The following PLGRKT variants were observed in gnomAD, a reference collection of about 807,000 sequenced individuals.
The protein encoded by PLGRKT is plasminogen receptor (KT).
PLGRKT carries 22 observed loss-of-function variants against 18.5 expected under a neutral mutation model. The ratio of observed to expected loss-of-function variants is 1.19; its 90% confidence interval spans 0.85 to 1.70. The LOEUF (loss-of-function observed/expected upper bound fraction) is 1.70. Ranked by LOEUF, PLGRKT falls within the 40% of genes most tolerant of loss-of-function variation. PLGRKT has a pLI of 0.00. For synonymous variants in PLGRKT, 72 were observed against 52.8 expected, an observed-to-expected ratio of 1.36 and a Z score of -1.58; for missense variants, 235 against 174.4, an observed-to-expected ratio of 1.35 and a Z score of -1.96.
chr9:5,379,257 T>G (rs1817690167), intron 3 of PLGRKT, among the ~76,000 whole-genome samples: 1 of 152,174 alleles, frequency 6.6e-6, no homozygotes, highest in African/African-American at 2.4e-5. Flanking sequence ...GATCAGAAAT[T>G]ACTTTAGTGA....
intron 3 of PLGRKT, among the ~76,000 whole-genome samples, chr9:5,390,422 G>C (rs1256848998): frequency 6.6e-6 from 1 of 151,704 alleles, no homozygotes; most frequent in Admixed American, 6.6e-5. Flanking sequence ...GTCTCAGGCA[G>C]AGAGAGTCAA....
Position 5,361,835 on chromosome 9 carries a change from C to T in PLGRKT, c.135G>A (p.Met45Ile), listed in dbSNP as rs773580200. The part of the protein sequence containing the change: ...QSEMRERQMA[M>I]QIAWSREFLK... ...GGAATTCCCGAGACCACGCAATCTGCATGGCCATTTGTCTTTCCCTCATTT... is the reference window on the plus strand; with the variant it reads ...GGAATTCCCGAGACCACGCAATCTGTATGGCCATTTGTCTTTCCCTCATTT... The change falls in exon 4 of 6, where the codon ATG (methionine) becomes ATA (isoleucine). Residue 45 changes from methionine to isoleucine, a missense_variant. By Grantham distance (10) the Met-to-Ile change is conservative. Transcript: ENST00000223864. The T allele has an allele frequency of 2.5e-6, 4 of 1,613,112 alleles. No individual in the cohort carries two copies. In the East Asian group the frequency reaches 8.9e-5, roughly 36 times the overall value.
At chr9:5,364,198 G>A (rs1817331066) in intron 3 of PLGRKT, among the ~76,000 whole-genome samples, 1 of 152,174 alleles carries the variant, frequency 6.6e-6, no homozygotes, top group African/African-American at 2.4e-5. Flanking sequence ...TCAGGATCTG[G>A]AGGTAAAATC....
intron 3 of PLGRKT, among the ~76,000 whole-genome samples, chr9:5,420,688 T>C (rs939063065): frequency 1.3e-5 from 2 of 152,190 alleles, no homozygotes; most frequent in African/African-American, 4.8e-5. Context: ...ACCTGGTCTT[T>C]CTCCCTACAA....
chr9:5,377,230 G>C (rs561442960), intron 3 of PLGRKT, among the ~76,000 whole-genome samples: 2 of 148,726 alleles, frequency 1.3e-5, no homozygotes, highest in Non-Finnish European at 3.0e-5. Flanking sequence ...AATTCTTTTA[G>C]AGAGGATAAC....
chr9:5,424,521 A>T (rs998358338), intron 3 of PLGRKT, among the ~76,000 whole-genome samples: 1,975 of 126,796 alleles, frequency 0.016, 66 homozygotes, highest in African/African-American at 0.06. Flanking sequence ...TAACATATAA[A>T]TATATATTAT....
intron 3 of PLGRKT, among the ~76,000 whole-genome samples, chr9:5,430,455 C>A (rs1818799961): frequency 6.6e-6 from 1 of 152,320 alleles, no homozygotes; most frequent in East Asian, 1.9e-4. Flanking sequence ...GATATTTATT[C>A]TGCATAAGAC....
At chr9:5,407,154 CAT>C (rs1818273014) in intron 3 of PLGRKT, among the ~76,000 whole-genome samples, 1 of 152,102 alleles carries the variant, frequency 6.6e-6, no homozygotes. Context: ...GCATCTAAAA[CAT>C]GTACAATGAT....
intron 3 of PLGRKT, among the ~76,000 whole-genome samples, chr9:5,387,328 C>T (rs1044616398): frequency 2.0e-5 from 3 of 151,624 alleles, no homozygotes; most frequent in Non-Finnish European, 4.4e-5. Flanking sequence ...ATATTGAGTA[C>T]CCAAGAGGAA....
chr9:5,426,483 G>A (rs1818704103), intron 3 of PLGRKT, among the ~76,000 whole-genome samples: 1 of 152,174 alleles, frequency 6.6e-6, no homozygotes, highest in Admixed American at 6.5e-5. Flanking sequence ...CTGCCCCAGG[G>A]AGGATCAGAA....
intron 3 of PLGRKT, among the ~76,000 whole-genome samples, chr9:5,414,675 G>A (rs1395786692): frequency 6.6e-6 from 1 of 152,216 alleles, no homozygotes; most frequent in Non-Finnish European, 1.5e-5. Context: ...ACTGGATACT[G>A]TGAAGACAAA....
At chr9:5,362,208 G>T (rs1209996494) in intron 3 of PLGRKT, among the ~76,000 whole-genome samples, 1 of 152,200 alleles carries the variant, frequency 6.6e-6, no homozygotes, top group Non-Finnish European at 1.5e-5. Context: ...TGTGTGGAAA[G>T]ATCTATGGGT....
intron 2 of PLGRKT, among the ~76,000 whole-genome samples, chr9:5,432,764 C>G (rs1818855984): frequency 6.6e-6 from 1 of 152,210 alleles, no homozygotes; most frequent in Admixed American, 6.5e-5. Context: ...TCCCGAGGTG[C>G]TGGGATTGCA....
At chr9:5,436,819 C>T (rs1396407868) in intron 1 of PLGRKT, 125 bp from the exon 2 acceptor site, 1 of 152,184 alleles carries the variant, frequency 6.6e-6, no homozygotes, top group African/African-American at 2.4e-5. Context: ...GGGAATATTC[C>T]GTAGGGTGTC....
chr9:5,397,605 G>A (rs925634648), intron 3 of PLGRKT, among the ~76,000 whole-genome samples: 35 of 151,824 alleles, frequency 2.3e-4, no homozygotes, highest in African/African-American at 8.5e-4. Flanking sequence ...ACAGGGAAAA[G>A]GAGGAAGAAA....
At chr9:5,426,815 A>G (rs143662700) in intron 3 of PLGRKT, among the ~76,000 whole-genome samples, 5,513 of 152,246 alleles carry the variant, frequency 0.036, 130 homozygotes, top group African/African-American at 0.042. Context: ...CTCATCACTC[A>G]TGATGAAAAT....
intron 3 of PLGRKT, among the ~76,000 whole-genome samples, chr9:5,385,649 C>T (rs12115494): frequency 0.013 from 1,941 of 151,752 alleles, 78 homozygotes; most frequent in African/African-American, 0.045. Context: ...ACAGGGTCTG[C>T]TGTGTGAAGT....
intron 3 of PLGRKT, among the ~76,000 whole-genome samples, chr9:5,367,312 G>A (rs556162096): frequency 6.6e-6 from 1 of 152,048 alleles, no homozygotes; most frequent in Non-Finnish European, 1.5e-5. Context: ...AAAGAACAAA[G>A]CCAGAGGCAT....
At chr9:5,380,027 T>G (rs1282974903) in intron 3 of PLGRKT, among the ~76,000 whole-genome samples, 3 of 152,178 alleles carry the variant, frequency 2.0e-5, no homozygotes, top group African/African-American at 7.2e-5. Context: ...AGAGAATGAT[T>G]AAATAAATTC....
Sources: gnomAD v4.1 joint callset for allele counts (sites outside exome capture counted in the v4.1 genomes callset) on GRCh38, gnomAD v4.1.1 for gene constraint, MANE v1.5 for transcripts, NCBI Gene and HGNC (gene_info 2026-07-23, HGNC 2026-07-21) for gene names.